Variants in FTO observed in about 807,000 individuals in gnomAD.
The protein encoded by FTO is FTO alpha-ketoglutarate dependent dioxygenase, also known as alpha-ketoglutarate-dependent dioxygenase FTO.
FTO carries 47 observed loss-of-function variants against 63.9 expected under a neutral mutation model. The ratio of observed to expected loss-of-function variants is 0.74; its 90% CI spans 0.58 to 0.94. The LOEUF (loss-of-function observed/expected upper bound fraction) is 0.94, where lower values mean the gene tolerates loss of function less well. Ranked by LOEUF, FTO falls within the 40% of genes least tolerant of loss-of-function variation. FTO has a pLI of 0.00. For missense variants in FTO, 562 were observed against 618.1 expected (o/e 0.91, Z 0.96); for synonymous variants, 207 against 224.4 (o/e 0.92, Z 0.69).
Position 54,090,311 on chromosome 16 carries a change from C to T in FTO, c.1365-21451C>T, listed in dbSNP as rs527983532. Among the ~76,000 whole-genome samples, 27 of 152,248 alleles carry T rather than the reference C, an allele frequency of 1.8e-4. No homozygotes were observed. The South Asian group carries it at 5.6e-3, about 32-fold the overall frequency. Reference sequence around the variant, plus strand: ...GACAAATATTGTATGATTTAACTTACATAGAATATCTAGAATAGGCAGATC... The same window carrying T: ...GACAAATATTGTATGATTTAACTTATATAGAATATCTAGAATAGGCAGATC... On this transcript the variant is annotated intron_variant, in intron 8 of 8. Coordinates refer to ENST00000471389, the MANE Select transcript of FTO (RefSeq NM_001080432.3).
intron 8 of FTO, among the ~76,000 whole-genome samples, chr16:54,053,869 T>G (rs560494502): frequency 2.0e-5 from 3 of 152,200 alleles, no homozygotes; most frequent in Non-Finnish European, 4.4e-5. Context: ...ATTTTTGAAA[T>G]GTAAATTTGT....
chr16:53,999,122 G>A (rs534535457), intron 8 of FTO, among the ~76,000 whole-genome samples: 16 of 152,308 alleles, frequency 1.1e-4, no homozygotes, highest in South Asian at 6.2e-4. Context: ...ACCCAAGTAA[G>A]TGAAGGGTGT....
intron 4 of FTO, among the ~76,000 whole-genome samples, chr16:53,853,683 A>G (rs546404838): frequency 1.3e-5 from 2 of 152,278 alleles, no homozygotes; most frequent in South Asian, 2.1e-4. Context: ...GTAGTATTTC[A>G]TGGTATATAT....
intron 8 of FTO, among the ~76,000 whole-genome samples, chr16:54,006,083 C>T (rs2084195877): frequency 6.6e-6 from 1 of 152,160 alleles, no homozygotes; most frequent in Admixed American, 6.5e-5. Context: ...AAGTTAGCTT[C>T]TCTGGGACAT....
intron 7 of FTO, chr16:53,911,449 C>T (rs1424620579): frequency 5.7e-6 from 4 of 702,944 alleles, no homozygotes; most frequent in African/African-American, 5.2e-5. Flanking sequence ...GTGGCCATAC[C>T]GTTGCATTCA....
intron 7 of FTO, among the ~76,000 whole-genome samples, chr16:53,928,024 A>G (rs191380616): frequency 6.6e-6 from 1 of 152,316 alleles, no homozygotes; most frequent in African/African-American, 2.4e-5. Flanking sequence ...TCATGATGGC[A>G]TATGTACCAG....
intron 6 of FTO, among the ~76,000 whole-genome samples, chr16:53,883,483 G>C (rs1352907131): frequency 6.6e-6 from 1 of 152,058 alleles, no homozygotes; most frequent in African/African-American, 2.4e-5. Context: ...TTAGCCAGGT[G>C]TGGTGGCGGG....
chr16:53,801,192 A>G (rs939137368), intron 1 of FTO, among the ~76,000 whole-genome samples: 2 of 150,380 alleles, frequency 1.3e-5, no homozygotes, highest in African/African-American at 4.9e-5. Context: ...GGATTTTTTT[A>G]TAATTCCATT....
Position 53,705,017 on chromosome 16 carries a change from C to CT in FTO, c.45+801dup, listed in dbSNP as rs35814419. Reference sequence around the variant, plus strand: ...TCTACGTATATTGGGAATATGCCCACTTTTTTTTTTTTTCATCTCCACTAC... The same window carrying CT: ...TCTACGTATATTGGGAATATGCCCACTTTTTTTTTTTTTTCATCTCCACTAC... On this transcript the variant is annotated intron_variant, in intron 1 of 8. Coordinates refer to ENST00000471389, the MANE Select transcript of FTO (RefSeq NM_001080432.3). Among the ~76,000 whole-genome samples, 270 of 146,716 alleles carry CT rather than the reference C, an allele frequency of 1.8e-3. 1 individual carries two copies. Among genetic ancestry groups the CT allele is most frequent in the Non-Finnish European group, 3.0e-3 (199 of 66,590 alleles).
intron 1 of FTO, 108 bp downstream of exon 1, chr16:53,704,337 G>A (rs1971836242): frequency 1.6e-5 from 17 of 1,059,324 alleles, no homozygotes; most frequent in Non-Finnish European, 2.4e-5. Flanking sequence ...TTAAACTAAG[G>A]GATGACAGGG....
intron 8 of FTO, chr16:54,070,805 T>C (rs1292025249): frequency 7.9e-5 from 12 of 152,224 alleles, no homozygotes; most frequent in Admixed American, 5.9e-4. Flanking sequence ...GAAATCATGG[T>C]ACCTTTCATT....
At chr16:53,914,288 T>C (rs1440040508) in intron 7 of FTO, among the ~76,000 whole-genome samples, 5 of 151,912 alleles carry the variant, frequency 3.3e-5, no homozygotes, top group Non-Finnish European at 7.4e-5. Context: ...TTTCAAATTC[T>C]GTTTCGGAGT....
intron 8 of FTO, among the ~76,000 whole-genome samples, chr16:53,957,398 A>G (rs2082955452): frequency 6.6e-6 from 1 of 152,168 alleles, no homozygotes; most frequent in Non-Finnish European, 1.5e-5. Context: ...TCCTCTCTGA[A>G]TTTCTTCATG....
intron 1 of FTO, among the ~76,000 whole-genome samples, chr16:53,805,067 T>C (rs2078327321): frequency 6.6e-6 from 1 of 152,212 alleles, no homozygotes; most frequent in African/African-American, 2.4e-5. Flanking sequence ...CATCACTGTA[T>C]TTTGAAAAGA....
At chr16:53,977,024 A>G (rs2083450191) in intron 8 of FTO, among the ~76,000 whole-genome samples, 1 of 152,106 alleles carries the variant, frequency 6.6e-6, no homozygotes, top group Non-Finnish European at 1.5e-5. Context: ...TTTTGGAATA[A>G]TGTTAACTAG....
chr16:53,958,419 C>A (rs528254542), intron 8 of FTO, among the ~76,000 whole-genome samples: 1 of 152,086 alleles, frequency 6.6e-6, no homozygotes, highest in East Asian at 1.9e-4. Context: ...GGGAAGCTGG[C>A]GGCCGGCTTT....
chr16:53,915,420 A>T (rs951871754), intron 7 of FTO, among the ~76,000 whole-genome samples: 1 of 152,242 alleles, frequency 6.6e-6, no homozygotes, highest in Admixed American at 6.5e-5. Context: ...GTCTCAGTAT[A>T]TGAAGACAAA....
chr16:53,782,514 G>C (rs2077613198), intron 1 of FTO, among the ~76,000 whole-genome samples: 1 of 152,240 alleles, frequency 6.6e-6, no homozygotes. Context: ...CTCTAGATCA[G>C]ACATGACCAT....
intron 8 of FTO, among the ~76,000 whole-genome samples, chr16:54,061,372 T>C (rs1286106930): frequency 6.6e-6 from 1 of 152,236 alleles, no homozygotes; most frequent in Non-Finnish European, 1.5e-5. Context: ...TCGCAGCCTA[T>C]TACATTAAAT....
Sources: allele counts gnomAD v4.1 joint callset (sites outside exome capture counted in the v4.1 genomes callset), GRCh38; gene constraint gnomAD v4.1.1; transcripts MANE v1.5; gene names NCBI Gene and HGNC (gene_info 2026-07-23, HGNC 2026-07-21).